The following STK33 variants were observed in gnomAD, a reference collection of about 807,000 sequenced individuals.
STK33 encodes the protein serine/threonine kinase 33, also known as serine/threonine-protein kinase 33.
Under a neutral mutation model 58.0 loss-of-function variants are expected in STK33, and 52 were observed. That is an observed-to-expected ratio of 0.90 (90% CI 0.72 to 1.13). STK33 has a LOEUF of 1.13. Ranked by LOEUF, STK33 falls within the 50% of genes most tolerant of loss-of-function variation. The probability of loss-of-function intolerance (pLI) is 0.00; values close to 1 mark genes in which losing one functional copy is unlikely to be tolerated. For synonymous variants in STK33, 215 were observed against 200.1 expected (o/e 1.07, Z -0.63); for missense variants, 630 against 604.2 (o/e 1.04, Z -0.45).
At chr11:8,527,850 G>A (rs1286335232) in intron 1 of STK33, among the ~76,000 whole-genome samples, 1 of 152,102 alleles carries the variant, frequency 6.6e-6, no homozygotes, top group African/African-American at 2.4e-5. Flanking sequence ...CTCTGACAAG[G>A]TAATCCCTAT....
intron 14 of STK33, among the ~76,000 whole-genome samples, chr11:8,431,601 G>C (rs1430563400): frequency 6.6e-6 from 1 of 152,124 alleles, no homozygotes; most frequent in African/African-American, 2.4e-5. Context: ...TACCCCTCTA[G>C]TACCTGATGG....
At chr11:8,475,627 T>C (rs1417213953) in intron 4 of STK33, 3 of 152,212 alleles carry the variant, frequency 2.0e-5, no homozygotes, top group Admixed American at 1.3e-4. Context: ...ATTTTTATAT[T>C]GAGCAAAAAT....
chr11:8,351,355 A>T, the STK33 span, among the ~76,000 whole-genome samples: 1 of 152,176 alleles, frequency 6.6e-6, no homozygotes, highest in Non-Finnish European at 1.5e-5. Flanking sequence ...TCCTGACCCC[A>T]GTCCACACTT....
At chr11:8,579,868 G>C (rs2141313737) in intron 1 of STK33, among the ~76,000 whole-genome samples, 2 of 152,252 alleles carry the variant, frequency 1.3e-5, no homozygotes, top group Middle Eastern at 3.4e-3. Context: ...ATAAAAAGGT[G>C]TTCAACATCA....
chr11:8,591,134 AG>A (rs2141601003), intron 1 of STK33, among the ~76,000 whole-genome samples: 1 of 152,334 alleles, frequency 6.6e-6, no homozygotes, highest in East Asian at 1.9e-4. Context: ...AACAGCCATC[AG>A]TTCAAACAAC....
At chr11:8,388,448 T>G (rs966385146), downstream of STK33, among the ~76,000 whole-genome samples, 3 of 152,230 alleles carry the variant, frequency 2.0e-5, no homozygotes, top group Non-Finnish European at 2.9e-5. Context: ...GTGATAACAA[T>G]GTACTGAACA....
At chr11:8,388,304 C>A (rs528634508), downstream of STK33, among the ~76,000 whole-genome samples, 2 of 152,350 alleles carry the variant, frequency 1.3e-5, no homozygotes, top group African/African-American at 4.8e-5. Flanking sequence ...GGAGAACTGA[C>A]CCAGCAAGCA....
At chr11:8,578,237 A>G (rs1488467346) in intron 1 of STK33, among the ~76,000 whole-genome samples, 1 of 152,136 alleles carries the variant, frequency 6.6e-6, no homozygotes, top group Non-Finnish European at 1.5e-5. Context: ...CCATGCCGAC[A>G]GTAATCTCCT....
At chr11:8,520,553 T>A (rs1198812740) in intron 1 of STK33, among the ~76,000 whole-genome samples, 1 of 152,194 alleles carries the variant, frequency 6.6e-6, no homozygotes, top group Admixed American at 6.5e-5. Context: ...GAAGTCAAAC[T>A]GTCCCTGTTT....
At chr11:8,352,659 A>G in the STK33 span, among the ~76,000 whole-genome samples, 1 of 152,362 alleles carries the variant, frequency 6.6e-6, no homozygotes, top group South Asian at 2.1e-4. Flanking sequence ...GACTGCCTGT[A>G]AAACTGCCTC....
intron 1 of STK33, among the ~76,000 whole-genome samples, chr11:8,541,163 G>A (rs985517109): frequency 6.6e-6 from 1 of 151,758 alleles, no homozygotes; most frequent in East Asian, 1.9e-4. Flanking sequence ...AATATAAATT[G>A]AATTAAATTA....
At chr11:8,361,866 T>C in the STK33 span, among the ~76,000 whole-genome samples, 61 of 152,306 alleles carry the variant, frequency 4.0e-4, no homozygotes, top group African/African-American at 1.3e-3. This position sits in a 1 kb window ranked among gnomAD's most constrained non-coding sequence, Gnocchi z 4.8. Flanking sequence ...CCCTGCCCCA[T>C]ATGTCAGTGG....
chr11:8,516,813 G>A (rs1410684012), intron 1 of STK33, among the ~76,000 whole-genome samples: 1 of 152,184 alleles, frequency 6.6e-6, no homozygotes, highest in Non-Finnish European at 1.5e-5. Context: ...TGAGGCTTGA[G>A]TAGGTAAACA....
At chr11:8,567,032 C>T (rs1057254529) in intron 1 of STK33, among the ~76,000 whole-genome samples, 16 of 151,924 alleles carry the variant, frequency 1.1e-4, no homozygotes, top group Non-Finnish European at 7.4e-5. Context: ...CCCAGCTACT[C>T]GGGAGGCTGA....
chr11:8,437,629 C>T (rs1349785417), intron 12 of STK33, among the ~76,000 whole-genome samples: 1 of 152,134 alleles, frequency 6.6e-6, no homozygotes, highest in Non-Finnish European at 1.5e-5. Context: ...TTAACAGTTA[C>T]ATTTTTACTA....
At chr11:8,550,236 C>T (rs1040820940) in intron 1 of STK33, among the ~76,000 whole-genome samples, 4 of 152,172 alleles carry the variant, frequency 2.6e-5, no homozygotes, top group Middle Eastern at 3.4e-3. Flanking sequence ...AATAAGGTCC[C>T]GGAATATGTA....
chr11:8,522,974 G>A (rs1300198241), intron 1 of STK33, among the ~76,000 whole-genome samples: 1 of 152,160 alleles, frequency 6.6e-6, no homozygotes, highest in Admixed American at 6.5e-5. Context: ...GTATTTTTTT[G>A]GTGGAGACGG....
At chr11:8,523,446 C>T (rs1953700705) in intron 1 of STK33, among the ~76,000 whole-genome samples, 1 of 151,476 alleles carries the variant, frequency 6.6e-6, no homozygotes, top group African/African-American at 2.4e-5. Context: ...GCCCGGCCGC[C>T]CCGTCTGAGA....
At chr11:8,448,251 A>G (rs1024186158) in intron 11 of STK33, among the ~76,000 whole-genome samples, 3 of 152,134 alleles carry the variant, frequency 2.0e-5, no homozygotes, top group Non-Finnish European at 2.9e-5. Context: ...CAAGCTACCA[A>G]TGACTTTCTT....
Sources: gnomAD v4.1 joint callset for allele counts (sites outside exome capture counted in the v4.1 genomes callset) on GRCh38, gnomAD v4.1.1 for gene constraint, Gnocchi (gnomAD v3.1) non-coding constraint, MANE v1.5 for transcripts, NCBI Gene and HGNC (gene_info 2026-07-23, HGNC 2026-07-21) for gene names.